The following COL23A1 variants were observed in gnomAD, a reference collection of about 807,000 sequenced individuals.
COL23A1 encodes collagen type XXIII alpha 1 chain.
In COL23A1, 97 loss-of-function variants were observed where a neutral mutation model predicts 99.3. The ratio of observed to expected loss-of-function variants is 0.98; its 90% CI spans 0.83 to 1.16. The LOEUF (loss-of-function observed/expected upper bound fraction) is 1.16, where lower values mean the gene tolerates loss of function less well. Ranked by LOEUF, COL23A1 falls within the 50% of genes most tolerant of loss-of-function variation. COL23A1 has a pLI of 0.00. For synonymous variants in COL23A1, 320 were observed against 308.2 expected, an observed-to-expected ratio of 1.04 and a Z score of -0.40; for missense variants, 762 against 757.4, an observed-to-expected ratio of 1.01 and a Z score of -0.07.
chr5:178,302,193 T>C (rs149501030), intron 3 of COL23A1, among the ~76,000 whole-genome samples: 6,761 of 39,094 alleles, frequency 0.17, 2,434 homozygotes, highest in Non-Finnish European at 0.23. Flanking sequence ...CTGTGTGTGC[T>C]GGAGCACAGC....
chr5:178,571,180 G>C (rs1270044941), intron 1 of COL23A1, among the ~76,000 whole-genome samples: 2 of 152,140 alleles, frequency 1.3e-5, no homozygotes, highest in Non-Finnish European at 2.9e-5. Context: ...TGGCCAACAT[G>C]ATGACACCCA....
intron 2 of COL23A1, among the ~76,000 whole-genome samples, chr5:178,419,510 G>A (rs778241959): frequency 1.7e-4 from 26 of 152,228 alleles, no homozygotes; most frequent in Non-Finnish European, 3.5e-4. Context: ...GGGTCACTAT[G>A]ATTAGCATCA....
intron 2 of COL23A1, among the ~76,000 whole-genome samples, chr5:178,478,800 C>T (rs1181144604): frequency 6.6e-6 from 1 of 152,184 alleles, no homozygotes; most frequent in Non-Finnish European, 1.5e-5. Flanking sequence ...GTACCAGAGC[C>T]TTCTGGGTGC....
intron 2 of COL23A1, among the ~76,000 whole-genome samples, chr5:178,552,858 C>T (rs191019182): frequency 3.2e-4 from 49 of 152,000 alleles, no homozygotes; most frequent in Admixed American, 5.2e-4. Context: ...GGACTACAGG[C>T]GCGTGCCACC....
At chr5:178,278,788 C>G (rs950453446) in intron 5 of COL23A1, among the ~76,000 whole-genome samples, 3 of 152,218 alleles carry the variant, frequency 2.0e-5, no homozygotes, top group African/African-American at 7.2e-5. Context: ...CCCTGGAGCG[C>G]GTTTCCTCCT....
chr5:178,301,194 G>T (rs1758013599), intron 3 of COL23A1, among the ~76,000 whole-genome samples: 1 of 152,012 alleles, frequency 6.6e-6, no homozygotes, highest in South Asian at 2.1e-4. Flanking sequence ...TCTTCTGTCG[G>T]CCCAAATCTA....
chr5:178,255,005 C>T lies in COL23A1; in HGVS notation c.904G>A (p.Glu302Lys), dbSNP rs1317127666. The stretch of plus-strand genomic sequence containing the variant: ...TCGATCACCACTGTGTCTCCCTGCT[C>T]GCCCTTGAGGCCTGGGGCACCCTGA... ...GPRGAPGLKG[E>K]QGDTVVIDYD... The change falls in exon 16 of 29, where the codon GAG becomes AAG. Residue 302 changes from glutamate to lysine, a missense_variant. By Grantham distance (56) the Glu-to-Lys change is moderately conservative (BLOSUM62 1). Transcript: ENST00000390654. This position sits in a 1 kb window ranked among gnomAD's most constrained non-coding sequence, Gnocchi z 4.2. The T allele has an allele frequency of 3.1e-6, 5 of 1,613,616 alleles. No homozygotes were observed. The highest frequency in any genetic ancestry group is 2.2e-5 in the East Asian group (1 of 44,878).
At chr5:178,414,863 C>A (rs1440112427) in intron 2 of COL23A1, among the ~76,000 whole-genome samples, 1 of 152,122 alleles carries the variant, frequency 6.6e-6, no homozygotes, top group East Asian at 1.9e-4. Context: ...CACAGCCCTG[C>A]TTGAAGGCAA....
chr5:178,460,964 G>C (rs916410737), intron 2 of COL23A1, among the ~76,000 whole-genome samples: 2 of 152,004 alleles, frequency 1.3e-5, no homozygotes, highest in African/African-American at 4.8e-5. Context: ...TTTTTTAAAC[G>C]TAAAGAAATA....
At chr5:178,446,743 T>C (rs1352513885) in intron 2 of COL23A1, among the ~76,000 whole-genome samples, 1 of 152,170 alleles carries the variant, frequency 6.6e-6, no homozygotes, top group Non-Finnish European at 1.5e-5. Context: ...AGAAATACAG[T>C]TCAAAATACT....
intron 2 of COL23A1, among the ~76,000 whole-genome samples, chr5:178,358,101 G>A (rs1459449661): frequency 6.8e-6 from 1 of 147,966 alleles, no homozygotes; most frequent in Non-Finnish European, 1.5e-5. Context: ...TAGGTCTAAT[G>A]TGTGTGTATG....
rs2127603288 is a variant in COL23A1, at chr5:178,306,046, AC to A, written c.406+828del. 6.6e-6 allele frequency among the ~76,000 whole-genome samples: 1 copy of A among 152,238 alleles called. No individual in the cohort carries two copies. Among genetic ancestry groups the A allele is most frequent in the South Asian group, 2.1e-4 (1 of 4,830 alleles). On this transcript the variant is annotated intron_variant, in intron 3 of 28. Coordinates refer to ENST00000390654, the MANE Select transcript of COL23A1 (RefSeq NM_173465.4). This position sits in a 1 kb window ranked among gnomAD's most constrained non-coding sequence, Gnocchi z 4.1. ...GCAGGGAGAGGACATGGTCAGTGTC[AC>A]AGCAGTGGGAGACTGTGGGAGAGAG...
chr5:178,554,326 G>A (rs1177661813), intron 2 of COL23A1, among the ~76,000 whole-genome samples: 2 of 152,098 alleles, frequency 1.3e-5, no homozygotes, highest in African/African-American at 4.8e-5. Flanking sequence ...TTACAGGCGT[G>A]TGCCACTATG....
At chr5:178,423,198 T>A (rs1023579317) in intron 2 of COL23A1, among the ~76,000 whole-genome samples, 1 of 152,150 alleles carries the variant, frequency 6.6e-6, no homozygotes, top group African/African-American at 2.4e-5. Context: ...TTGCCCAGGC[T>A]GGACTTGAGC....
chr5:178,247,915 T>G (rs1764799820), intron 20 of COL23A1, 84 bp from the exon 21 acceptor site: 1 of 1,213,774 alleles, frequency 8.2e-7, no homozygotes, highest in African/African-American at 1.5e-5. Context: ...CACTGCTGGA[T>G]CGAGAGTCTC....
chr5:178,266,376 T>C (rs1369302253), intron 8 of COL23A1, among the ~76,000 whole-genome samples: 1 of 151,912 alleles, frequency 6.6e-6, no homozygotes. Flanking sequence ...CATGTGTGTG[T>C]GTGCGCATAT....
intron 2 of COL23A1, among the ~76,000 whole-genome samples, chr5:178,503,563 G>A (rs1390085629): frequency 6.6e-6 from 1 of 152,156 alleles, no homozygotes; most frequent in African/African-American, 2.4e-5. Flanking sequence ...ATTTAGGGGT[G>A]AGGGGCTGCA....
intron 2 of COL23A1, among the ~76,000 whole-genome samples, chr5:178,537,335 G>A (rs1024280641): frequency 5.9e-5 from 9 of 152,234 alleles, no homozygotes; most frequent in Non-Finnish European, 1.3e-4. Context: ...GATTCTGCCA[G>A]AAGAAAGAGC....
At chr5:178,527,560 C>T (rs1562056034) in intron 2 of COL23A1, among the ~76,000 whole-genome samples, 1 of 152,228 alleles carries the variant, frequency 6.6e-6, no homozygotes, top group African/African-American at 2.4e-5. Context: ...TGCCTGGGCA[C>T]AGCACCACGT....
Sources: gnomAD v4.1 joint callset for allele counts (sites outside exome capture counted in the v4.1 genomes callset) on GRCh38, gnomAD v4.1.1 for gene constraint, Gnocchi (gnomAD v3.1) non-coding constraint, MANE v1.5 for transcripts, NCBI Gene and HGNC (gene_info 2026-07-23, HGNC 2026-07-21) for gene names.